The following CEP162 variants were observed in gnomAD, a reference collection of about 807,000 sequenced individuals.
CEP162 encodes the protein centrosomal protein of 162 kDa.
A neutral mutation model predicts 169.2 loss-of-function variants in CEP162; 141 were observed. The observed-to-expected ratio is 0.83, with a 90% confidence interval of 0.73 to 0.96. The LOEUF is 0.96. Ranked by LOEUF, CEP162 falls within the 40% of genes least tolerant of loss-of-function variation. CEP162 has a pLI of 0.00. For synonymous variants in CEP162, 540 were observed against 526.4 expected (o/e 1.03, Z -0.35); for missense variants, 1,600 against 1,587.2 (o/e 1.01, Z -0.14).
At chr6:84,177,530 G>C (rs2099532896) in intron 13 of CEP162, among the ~76,000 whole-genome samples, 1 of 152,042 alleles carries the variant, frequency 6.6e-6, no homozygotes, top group Non-Finnish European at 1.5e-5. Context: ...AAAGCATGCT[G>C]AATAATCTTT....
intron 25 of CEP162, among the ~76,000 whole-genome samples, chr6:84,133,897 G>C (rs1392728287): frequency 1.3e-5 from 2 of 152,148 alleles, no homozygotes; most frequent in Non-Finnish European, 2.9e-5. Flanking sequence ...AGATGAACCT[G>C]GTACCTCAGT....
Position 84,215,903 on chromosome 6 carries a change from C to A in CEP162, c.192G>T (p.Val64=). 1.9e-6 allele frequency: 3 copies of A among 1,568,926 alleles called. No homozygotes were observed. In the South Asian group the frequency reaches 3.5e-5, roughly 18 times the overall value. ...AAGTCTTCTTTGTTTTCAAATAGCT[C>A]ACATTTGTTCCAAGAAGTCCTAGGT... is the stretch of plus-strand genomic sequence containing the variant. ...FKDDGLLGTN[V]SYLKTKKTSQ... is the part of the protein sequence containing the mutation. The change falls in exon 4 of 27, where the codon GTG becomes GTT. Residue 64 remains valine (V), a synonymous_variant. Transcript: ENST00000403245.
At chr6:84,139,324 AATTG>A (rs1415039643) in intron 25 of CEP162, among the ~76,000 whole-genome samples, 8 of 152,260 alleles carry the variant, frequency 5.3e-5, no homozygotes, top group African/African-American at 1.9e-4. Context: ...TTTATCTACA[AATTG>A]ATTGTTCTTT....
chr6:84,196,174 G>C (rs552894991), intron 9 of CEP162, among the ~76,000 whole-genome samples: 4 of 152,306 alleles, frequency 2.6e-5, no homozygotes, highest in Non-Finnish European at 4.4e-5. Flanking sequence ...CTGGTGGGAG[G>C]TGATAGAATT....
chr6:84,221,229 A>ATTCATCATTAAGCATGT (rs1187836525), intron 2 of CEP162, 58 bp from the exon 3 acceptor site: 1 of 835,202 alleles, frequency 1.2e-6, no homozygotes, highest in African/African-American at 1.7e-5. Context: ...AGAATCTCAG[A>ATTCATCATTAAGCATGT]TTCATCATTA....
rs746973019 is a variant in CEP162, at chr6:84,160,855, T to C, written c.2738A>G (p.Asp913Gly). 6.2e-7 allele frequency: 1 copy of C among 1,613,350 alleles called. No homozygotes were observed. The highest frequency in any genetic ancestry group is 8.5e-7 in the Non-Finnish European group (1 of 1,179,550). The change falls in exon 21 of 27, where the codon GAT (aspartate) becomes GGT (glycine). Residue 913 changes from aspartate (D) to glycine (G), a missense_variant. Coordinates refer to ENST00000403245, the MANE Select transcript of CEP162 (RefSeq NM_014895.4). ...PSIRQKIRLK[D>G]KAADAKKIQD... is the part of the protein sequence containing the mutation. ...AATTTTTTTGGCATCTGCTGCTTTA[T>C]CTTTTAAGCGTATCTTCTGCCGAAT...
At chr6:84,222,466 A>T (rs2099554079) in intron 2 of CEP162, among the ~76,000 whole-genome samples, 1 of 152,092 alleles carries the variant, frequency 6.6e-6, no homozygotes, top group Non-Finnish European at 1.5e-5. Flanking sequence ...CTCATTCTAC[A>T]TTACTTTTTC....
Position 84,200,867 on chromosome 6 carries a change from T to G in CEP162, c.757A>C (p.Asn253His). ...LDSLDSVAEV[N>H]LDEQDKITPK... ...GTTATTTTATCTTGTTCATCAAGAT[T>G]GACCTCTGCAACAGAGTCTAATGAA... Residue 253 changes from asparagine to histidine, a missense_variant, in exon 9 of 27, where the codon AAT becomes CAT. Physicochemically the swap from Asn to His is moderately conservative, Grantham distance 68. Coordinates refer to ENST00000403245, the MANE Select transcript of CEP162 (RefSeq NM_014895.4). The G allele has an allele frequency of 6.2e-7, 1 of 1,611,138 alleles. No homozygotes were observed. Among genetic ancestry groups the G allele is most frequent in the Middle Eastern group, 1.7e-4 (1 of 6,058 alleles).
Position 84,133,756 on chromosome 6 carries a change from C to T in CEP162, c.3871-7244G>A, listed in dbSNP as rs543564338. 9.4e-4 allele frequency among the ~76,000 whole-genome samples: 143 copies of T among 152,226 alleles called. 1 individual carries two copies. The South Asian group carries it at 0.011, about 12-fold the overall frequency. On this transcript the variant is annotated intron_variant, in intron 25 of 26. Coordinates refer to ENST00000403245, the MANE Select transcript of CEP162 (RefSeq NM_014895.4). ...GGGAGTGTCCCGATTTTCCAGGTACCGTCTATCACAGCTTCCCTTGGCTAG... is the reference window on the plus strand; with the variant it reads ...GGGAGTGTCCCGATTTTCCAGGTACTGTCTATCACAGCTTCCCTTGGCTAG...
intron 6 of CEP162, among the ~76,000 whole-genome samples, chr6:84,206,817 C>A (rs1420323185): frequency 1.3e-5 from 2 of 152,180 alleles, no homozygotes; most frequent in Non-Finnish European, 2.9e-5. Context: ...TCACAACCTA[C>A]TCCTCTGACA....
Position 84,183,295 on chromosome 6 carries a change from C to G in CEP162, c.1663+1892G>C, listed in dbSNP as rs749641162. Among the ~76,000 whole-genome samples, 4 of 152,036 alleles carry G rather than the reference C, an allele frequency of 2.6e-5. No individual in the cohort carries two copies. The East Asian group carries it at 7.7e-4, about 29-fold the overall frequency. ...CATCATTCCTCTCATTTCTTTTTCA[C>G]TCACTGTGACATTACCTCTGTCTTC... On this transcript the variant is annotated intron_variant, in intron 13 of 26. Transcript: ENST00000403245.
At chr6:84,134,269 C>G (rs754607202) in intron 25 of CEP162, among the ~76,000 whole-genome samples, 81 of 152,168 alleles carry the variant, frequency 5.3e-4, no homozygotes, top group Non-Finnish European at 8.8e-5. Flanking sequence ...GAATTTCAAG[C>G]CAGTGGATCT....
At chr6:84,221,832 C>T (rs184022868) in intron 2 of CEP162, among the ~76,000 whole-genome samples, 40 of 152,160 alleles carry the variant, frequency 2.6e-4, no homozygotes, top group African/African-American at 8.2e-4. Context: ...GCACTTCTTT[C>T]GTCTCTCAGA....
At chr6:84,173,646 C>T (rs1214539646) in intron 16 of CEP162, among the ~76,000 whole-genome samples, 1 of 151,888 alleles carries the variant, frequency 6.6e-6, no homozygotes, top group Admixed American at 6.6e-5. Context: ...GCCAGGATTA[C>T]CATTATCTGT....
chr6:84,206,750 C>G (rs558702643), intron 6 of CEP162, among the ~76,000 whole-genome samples: 1 of 152,272 alleles, frequency 6.6e-6, no homozygotes, highest in East Asian at 1.9e-4. Context: ...AGCTTCTGCA[C>G]AGCAAAAGAA....
chr6:84,132,811 G>C (rs1213796675), intron 25 of CEP162, among the ~76,000 whole-genome samples: 1 of 152,044 alleles, frequency 6.6e-6, no homozygotes, highest in African/African-American at 2.4e-5. Flanking sequence ...CCTCGGAGAA[G>C]TTTGTTATTA....
chr6:84,133,559 C>T lies in CEP162; in HGVS notation c.3871-7047G>A, dbSNP rs1005481368. On this transcript the variant is annotated intron_variant, in intron 25 of 26. Coordinates refer to ENST00000403245, the MANE Select transcript of CEP162 (RefSeq NM_014895.4). Reference sequence around the variant, plus strand: ...CTTTGTTTACCTACTCAAGCCTCAGCAACGGCGGATGCCCCTCCCCCAGCC... The same window carrying T: ...CTTTGTTTACCTACTCAAGCCTCAGTAACGGCGGATGCCCCTCCCCCAGCC... Among the ~76,000 whole-genome samples the T allele has an allele frequency of 2.6e-5, 4 of 152,306 alleles. No individual in the cohort carries two copies. In the South Asian group the frequency reaches 8.3e-4, roughly 32 times the overall value.
At chr6:84,226,856 C>G (rs541290920) in intron 1 of CEP162, among the ~76,000 whole-genome samples, 2 of 152,302 alleles carry the variant, frequency 1.3e-5, no homozygotes, top group Middle Eastern at 3.4e-3. Context: ...TTTGTGCTGC[C>G]TTATCACTCG....
At chr6:84,181,683 G>T (rs911653135) in intron 13 of CEP162, among the ~76,000 whole-genome samples, 2 of 152,066 alleles carry the variant, frequency 1.3e-5, no homozygotes, top group Non-Finnish European at 2.9e-5. Context: ...TTCTACAATA[G>T]AGAAACTATG....
Sources: gnomAD v4.1 joint callset for allele counts (sites outside exome capture counted in the v4.1 genomes callset) on GRCh38, gnomAD v4.1.1 for gene constraint, MANE v1.5 for transcripts, NCBI Gene and HGNC (gene_info 2026-07-23, HGNC 2026-07-21) for gene names.